The following SYT2 variants were observed in gnomAD, a reference collection of about 807,000 sequenced individuals.
SYT2 encodes synaptotagmin 2.
A neutral mutation model predicts 39.9 loss-of-function variants in SYT2; 15 were observed. The observed-to-expected ratio is 0.38, with a 90% CI of 0.25 to 0.58. The LOEUF (loss-of-function observed/expected upper bound fraction) is 0.58. SYT2 is among the 20% of genes least tolerant of loss of function. The pLI, the probability that SYT2 is intolerant of heterozygous loss-of-function variation, is 0.70. For synonymous variants in SYT2, 181 were observed against 204.5 expected, an observed-to-expected ratio of 0.89 and a Z score of 0.98; for missense variants, 389 against 530.3, an observed-to-expected ratio of 0.73 and a Z score of 2.62.
At chr1:202,692,477 A>C (rs1246131279) in intron 1 of SYT2, among the ~76,000 whole-genome samples, 1 of 152,236 alleles carries the variant, frequency 6.6e-6, no homozygotes, top group African/African-American at 2.4e-5. Context: ...ACATTGCCAG[A>C]TTGCAGGACC....
At chr1:202,699,167 C>T (rs1397958701) in intron 1 of SYT2, among the ~76,000 whole-genome samples, 1 of 151,984 alleles carries the variant, frequency 6.6e-6, no homozygotes, top group African/African-American at 2.4e-5. Context: ...GGAATACAAG[C>T]ATGCCACCAC....
intron 1 of SYT2, among the ~76,000 whole-genome samples, chr1:202,651,494 A>G (rs1008267010): frequency 6.6e-6 from 1 of 152,094 alleles, no homozygotes; most frequent in Non-Finnish European, 1.5e-5. Flanking sequence ...GAAGACATGG[A>G]ATTCATTGAC....
chr1:202,692,906 T>G (rs1053837991), intron 1 of SYT2, among the ~76,000 whole-genome samples: 12 of 151,990 alleles, frequency 7.9e-5, no homozygotes, highest in African/African-American at 2.9e-4. Flanking sequence ...CAAAAAAAAG[T>G]TTTAAAAATA....
At chr1:202,645,028 A>G (rs751251044) in intron 1 of SYT2, among the ~76,000 whole-genome samples, 33 of 152,284 alleles carry the variant, frequency 2.2e-4, no homozygotes, top group Non-Finnish European at 4.4e-4. Flanking sequence ...GGGAGTGTGC[A>G]TCTGCATACC....
chr1:202,694,778 C>T (rs541037651), intron 1 of SYT2, among the ~76,000 whole-genome samples: 1 of 151,594 alleles, frequency 6.6e-6, no homozygotes, highest in Non-Finnish European at 1.5e-5. Context: ...CCCTCTACCC[C>T]TCTCCTCTCC....
At chr1:202,597,022 T>G in intron 8 of SYT2, 59 bp from the exon 9 acceptor site, 3 of 1,480,062 alleles carry the variant, frequency 2.0e-6, no homozygotes, top group Non-Finnish European at 2.8e-6. Context: ...CATGACCAAA[T>G]TTATCCTCCA....
chr1:202,624,895 T>C, intron 1 of SYT2, among the ~76,000 whole-genome samples: 1 of 141,332 alleles, frequency 7.1e-6, no homozygotes, highest in East Asian at 2.2e-4. Flanking sequence ...CTGTGTGGTA[T>C]GTGGCGTGTA....
chr1:202,667,964 G>A (rs1260517350), intron 1 of SYT2, among the ~76,000 whole-genome samples: 2 of 152,128 alleles, frequency 1.3e-5, no homozygotes, highest in African/African-American at 2.4e-5. Context: ...GCCCACCTCG[G>A]CCTCCCAAAG....
At position 202,596,305 on chromosome 1, in the gene SYT2, ACATACAC is replaced by A. The variant is rs1321057868; in HGVS notation, c.*445_*451del. 3 of 32,486 alleles carry A rather than the reference ACATACAC, an allele frequency of 9.2e-5. No individual in the cohort carries two copies. The East Asian group carries it at 3.7e-3, about 41-fold the overall frequency. The allele number at this position is 32,486 out of a possible 1,614,324, so 2.0% of individuals were successfully genotyped here. A position where few individuals can be genotyped will look rare whatever the true frequency, so the allele number is the denominator to read the frequency against. On this transcript the variant is annotated 3_prime_UTR_variant, in exon 9 of 9. Transcript: ENST00000367268. Reference sequence around the variant, plus strand: ...CACACACACACACACACACACACACACATACACACACACACACACACACACACACACG... The same window carrying A: ...CACACACACACACACACACACACACAACACACACACACACACACACACACG...
At position 202,604,991 on chromosome 1, in the gene SYT2, CA is replaced by C. The variant is rs1690654480; in HGVS notation, c.179-371del. The C allele has an allele frequency of 3.5e-5, 7 of 200,514 alleles. No individual in the cohort carries two copies. The East Asian group carries it at 9.1e-4, about 26-fold the overall frequency. 12.4% of individuals were successfully genotyped at this position (200,514 alleles called of 1,614,324 possible). ...CTAGAGAGGATGGGATGATGCTTATCAGTCCTTTGGCCTCTGCCCCTTGTGC... is the reference window on the plus strand; with the variant it reads ...CTAGAGAGGATGGGATGATGCTTATCGTCCTTTGGCCTCTGCCCCTTGTGC... On this transcript the variant is annotated intron_variant, in intron 2 of 8. Transcript: ENST00000367268.
At chr1:202,612,952 T>C (rs2149077574) in intron 1 of SYT2, among the ~76,000 whole-genome samples, 1 of 152,254 alleles carries the variant, frequency 6.6e-6, no homozygotes, top group Non-Finnish European at 1.5e-5. Flanking sequence ...TCATTATAAA[T>C]GGAATTGTTT....
intron 1 of SYT2, among the ~76,000 whole-genome samples, chr1:202,691,190 G>A (rs919488840): frequency 5.9e-5 from 9 of 152,222 alleles, no homozygotes; most frequent in South Asian, 2.1e-4. Context: ...TTTTGTGTTC[G>A]GCAGGTTGTG....
At chr1:202,622,740 G>T (rs79797100) in intron 1 of SYT2, among the ~76,000 whole-genome samples, 1 of 152,128 alleles carries the variant, frequency 6.6e-6, no homozygotes, top group East Asian at 1.9e-4. Context: ...TTTCCTGAGT[G>T]AGGCTCTGTA....
At chr1:202,695,402 C>T (rs1350509047) in intron 1 of SYT2, among the ~76,000 whole-genome samples, 1 of 152,194 alleles carries the variant, frequency 6.6e-6, no homozygotes, top group Admixed American at 6.5e-5. Flanking sequence ...CATCTCCAGC[C>T]CTTGTTTCTA....
At chr1:202,708,620 A>C (rs1654310673) in intron 1 of SYT2, among the ~76,000 whole-genome samples, 1 of 151,998 alleles carries the variant, frequency 6.6e-6, no homozygotes, top group African/African-American at 2.4e-5. Context: ...TGGACTCCCT[A>C]GGCTGCAGTG....
At chr1:202,661,268 T>C (rs1283118034) in intron 1 of SYT2, among the ~76,000 whole-genome samples, 1 of 151,710 alleles carries the variant, frequency 6.6e-6, no homozygotes, top group Non-Finnish European at 1.5e-5. Flanking sequence ...CAGTTCCAAA[T>C]CCCAAGCTAG....
In SYT2 at chr1:202,653,623, A is replaced by G. The variant is rs144041066; in HGVS notation, c.-17-47834T>C. On this transcript the variant is annotated intron_variant, in intron 1 of 8. Transcript: ENST00000367268. The stretch of plus-strand genomic sequence containing the variant: ...GGAATAGGGAATGGCGGTATCTCCA[A>G]GCCCACTCCCCACAAACACTGGCCT... 3.4e-3 allele frequency among the ~76,000 whole-genome samples: 520 copies of G among 152,290 alleles called. 1 individual carries two copies. The highest frequency in any genetic ancestry group is 0.012 in the African/African-American group (504 of 41,544).
At chr1:202,660,294 C>T (rs1453236640) in intron 1 of SYT2, among the ~76,000 whole-genome samples, 2 of 152,206 alleles carry the variant, frequency 1.3e-5, no homozygotes, top group Non-Finnish European at 2.9e-5. Flanking sequence ...AGTTCAATAA[C>T]TTGTCAGAAC....
chr1:202,643,929 G>C (rs984348754), intron 1 of SYT2, among the ~76,000 whole-genome samples: 6 of 152,356 alleles, frequency 3.9e-5, no homozygotes, highest in African/African-American at 1.4e-4. Flanking sequence ...AGCTGGGGGA[G>C]GGGACCCCCT....
Sources: gnomAD v4.1 joint callset for allele counts (sites outside exome capture counted in the v4.1 genomes callset) on GRCh38, gnomAD v4.1.1 for gene constraint, MANE v1.5 for transcripts, NCBI Gene and HGNC (gene_info 2026-07-23, HGNC 2026-07-21) for gene names.